The following ULBP3 variants were observed in gnomAD, a reference collection of about 807,000 sequenced individuals.
ULBP3 encodes the protein UL16 binding protein 3, also known as UL16-binding protein 3.
A neutral mutation model predicts 24.9 loss-of-function variants in ULBP3; 25 were observed. The ratio of observed to expected loss-of-function variants is 1.00; its 90% CI spans 0.73 to 1.40. The LOEUF (loss-of-function observed/expected upper bound fraction) is 1.40, where lower values mean the gene tolerates loss of function less well. Ranked by LOEUF, ULBP3 falls within the 40% of genes most tolerant of loss-of-function variation. ULBP3 has a pLI of 0.00. For missense variants in ULBP3, 306 were observed against 307.5 expected (o/e 1.00, Z 0.04); for synonymous variants, 114 against 114.7 (o/e 0.99, Z 0.04).
At chr6:150,065,085 C>G (rs66480352) in intron 3 of ULBP3, among the ~76,000 whole-genome samples, 22,682 of 152,042 alleles carry the variant, frequency 0.15, 1,992 homozygotes, top group African/African-American at 0.23. Flanking sequence ...GGAGGGAAAT[C>G]TAAGGAGAAA....
intron 1 of ULBP3, 22 bp downstream of exon 1, chr6:150,068,957 T>C (rs1301995754): frequency 6.3e-7 from 1 of 1,586,316 alleles, no homozygotes; most frequent in South Asian, 1.1e-5. Context: ...CCGCCCCGCT[T>C]AGGCTCCATC....
rs376152695 is a variant in ULBP3 at position 150,061,275 on chromosome 6, C to A, written c.*2099G>T. Among the ~76,000 whole-genome samples, 2 of 152,204 alleles carry A rather than the reference C, an allele frequency of 1.3e-5. No individual in the cohort carries two copies. The highest frequency in any genetic ancestry group is 1.9e-4 in the East Asian group (1 of 5,176). On this transcript the variant is annotated 3_prime_UTR_variant, in exon 5 of 5. Transcript: ENST00000367339. ...TTTACTTACGAATCTTTAATTTTAACCTTTATTATAGATTAAAGGGTACAC... is the reference window on the plus strand; with the variant it reads ...TTTACTTACGAATCTTTAATTTTAAACTTTATTATAGATTAAAGGGTACAC...
chr6:150,069,016 C>A lies in ULBP3; in HGVS notation c.51G>T (p.Pro17=), dbSNP rs763048015. ...PAILPRLAIL[P]YLLFDWSGTG... ...TCCCGGACCAGTCGAATAGCAGGTACGGAAGAATCGCGAGGCGCGGAAGGA... is the reference window on the plus strand; with the variant it reads ...TCCCGGACCAGTCGAATAGCAGGTAAGGAAGAATCGCGAGGCGCGGAAGGA... Residue 17 remains proline, a synonymous_variant, in exon 1 of 5, where the codon CCG becomes CCT. Coordinates refer to ENST00000367339, the MANE Select transcript of ULBP3 (RefSeq NM_024518.3). 3 of 1,612,380 alleles carry A rather than the reference C, an allele frequency of 1.9e-6. No individual in the cohort carries two copies. Among genetic ancestry groups the A allele is most frequent in the Non-Finnish European group, 2.5e-6 (3 of 1,179,336 alleles).
rs775283081 is a variant in ULBP3 at position 150,065,371 on chromosome 6, T to C, written c.628+27A>G. 14 of 1,611,296 alleles carry C rather than the reference T, an allele frequency of 8.7e-6. No homozygotes were observed. The Admixed American group carries it at 2.2e-4, about 25-fold the overall frequency. ...GTGTAACTCGATGGCATCTCCAACA[T>C]GCTCCCAGTGCTCCCCTGTCAGTTA... On this transcript the variant is annotated intron_variant, in intron 3 of 4. Coordinates refer to ENST00000367339, the MANE Select transcript of ULBP3 (RefSeq NM_024518.3).
At chr6:150,064,751 G>C in intron 3 of ULBP3, 38 bp from the exon 4 acceptor site, 1 of 1,599,484 alleles carries the variant, frequency 6.3e-7, no homozygotes, top group Non-Finnish European at 8.6e-7. Flanking sequence ...TCTTGTCCAC[G>C]CTCCAAATCT....
intron 1 of ULBP3, 117 bp from the exon 2 acceptor site, chr6:150,066,279 C>T (rs1350308301): frequency 2.5e-6 from 3 of 1,214,982 alleles, no homozygotes; most frequent in African/African-American, 3.1e-5. Flanking sequence ...ATTTCTCTTC[C>T]TGGACGGTGG....
chr6:150,067,421 G>T lies in ULBP3; in HGVS notation c.89-1259C>A, dbSNP rs145336283. Among the ~76,000 whole-genome samples the T allele has an allele frequency of 3.2e-4, 48 of 152,274 alleles. No homozygotes were observed. In the East Asian group the frequency reaches 7.5e-3, roughly 24 times the overall value. ...TCCTAGTGGACACAGTGTGTGATCCGAGCTCTTCCCAGGGATGTGAAGCAT... is the reference window on the plus strand; with the variant it reads ...TCCTAGTGGACACAGTGTGTGATCCTAGCTCTTCCCAGGGATGTGAAGCAT... On this transcript the variant is annotated intron_variant, in intron 1 of 4. Coordinates refer to ENST00000367339, the MANE Select transcript of ULBP3 (RefSeq NM_024518.3).
chr6:150,065,767 G>C, intron 2 of ULBP3, 94 bp from the exon 3 acceptor site: 1 of 1,581,630 alleles, frequency 6.3e-7, no homozygotes, highest in Non-Finnish European at 8.6e-7. Context: ...ATCTGGTCCT[G>C]TTGTCTCCTC....
intron 1 of ULBP3, among the ~76,000 whole-genome samples, chr6:150,068,227 A>T (rs543864063): frequency 1.4e-4 from 21 of 152,272 alleles, no homozygotes; most frequent in African/African-American, 4.6e-4. Flanking sequence ...TCAGCAACAA[A>T]GGAGGGGAGC....
intron 1 of ULBP3, 88 bp from the exon 2 acceptor site, chr6:150,066,250 C>T (rs1197385405): frequency 2.1e-6 from 3 of 1,440,604 alleles, no homozygotes; most frequent in Non-Finnish European, 2.8e-6. Flanking sequence ...TCCTGAAGGG[C>T]TGGGCTGGCA....
chr6:150,067,670 C>G (rs1776367114), intron 1 of ULBP3, among the ~76,000 whole-genome samples: 1 of 152,194 alleles, frequency 6.6e-6, no homozygotes, highest in East Asian at 1.9e-4. Context: ...CTCAACTCTG[C>G]TCTTATAGCT....
rs940680088 is a variant in ULBP3, at chr6:150,064,458, A to T, written c.*22+127T>A. On this transcript the variant is annotated intron_variant, in intron 4 of 4. Transcript: ENST00000367339. ...AAACAGGCGACACCAGGTCTCATTC[A>T]CCTGTCTCATGTCAGAACGAGAAGG... 35 of 822,028 alleles carry T rather than the reference A, an allele frequency of 4.3e-5. No homozygotes were observed. The African/African-American group carries it at 5.6e-4, about 13-fold the overall frequency. The allele number at this position is 822,028 out of a possible 1,614,324, so 50.9% of individuals were successfully genotyped here. A position where few individuals can be genotyped will look rare whatever the true frequency, so the allele number is the denominator to read the frequency against.
Position 150,064,601 on chromosome 6 carries a change from C to G in ULBP3, c.*6G>C. 6.2e-7 allele frequency: 1 copy of G among 1,613,886 alleles called. No homozygotes were observed. The highest frequency in any genetic ancestry group is 1.1e-5 in the South Asian group (1 of 91,076). On this transcript the variant is annotated 3_prime_UTR_variant, in exon 4 of 5. Coordinates refer to ENST00000367339, the MANE Select transcript of ULBP3 (RefSeq NM_024518.3). The stretch of plus-strand genomic sequence containing the variant: ...CCACAGTACCTGTCACTCTAAATGA[C>G]TCTTCTCAGATGCCAGGGAGGATGA...
rs1163445681 is a variant in ULBP3 at position 150,066,059 on chromosome 6, G to A, written c.192C>T (p.Ser64=). ...AGACCTTGTCACTGCCACAGTCATA[G>A]GAGAGAAAATTCTTCTGATCCACCT... is the stretch of plus-strand genomic sequence containing the variant. ...QSQVDQKNFL[S]YDCGSDKVLS... Residue 64 remains serine, a synonymous_variant, in exon 2 of 5, where the codon TCC becomes TCT. Coordinates refer to ENST00000367339, the MANE Select transcript of ULBP3 (RefSeq NM_024518.3). The A allele has an allele frequency of 6.2e-7, 1 of 1,614,210 alleles. No individual in the cohort carries two copies. The highest frequency in any genetic ancestry group is 1.1e-5 in the South Asian group (1 of 91,086).
At position 150,061,188 on chromosome 6, in the gene ULBP3, T is replaced by C. The variant is rs1328671212; in HGVS notation, c.*2186A>G. 1.3e-5 allele frequency among the ~76,000 whole-genome samples: 2 copies of C among 152,222 alleles called. No individual in the cohort carries two copies. The highest frequency in any genetic ancestry group is 2.9e-5 in the Non-Finnish European group (2 of 68,034). ...TTTTGATCTGGGTTAGCGTTCATAG[T>C]GCAAAGTTCTCTCGTTCCACTCAGT... On this transcript the variant is annotated 3_prime_UTR_variant, in exon 5 of 5. Transcript: ENST00000367339.
rs892424181 is a variant in ULBP3, at chr6:150,065,485, T to C, written c.541A>G (p.Thr181Ala). The change falls in exon 3 of 5, where the codon ACC (threonine) becomes GCC (alanine). Residue 181 changes from threonine (T) to alanine (A), a missense_variant. Physicochemically the swap from Thr to Ala is moderately conservative, Grantham distance 58. Transcript: ENST00000367339. ...EKWEKDSGLT[T>A]FFKMVSMRDC... The stretch of plus-strand genomic sequence containing the variant: ...CTCATTGAGACCATCTTGAAGAAGG[T>C]GGTCAGTCCGCTATCCTTCTCCCAC... The C allele has an allele frequency of 6.2e-7, 1 of 1,614,160 alleles. No individual in the cohort carries two copies. The highest frequency in any genetic ancestry group is 8.5e-7 in the Non-Finnish European group (1 of 1,180,012).
At chr6:150,064,036 T>C (rs988539165) in intron 4 of ULBP3, among the ~76,000 whole-genome samples, 1 of 152,198 alleles carries the variant, frequency 6.6e-6, no homozygotes, top group African/African-American at 2.4e-5. Context: ...ACTCTTCACC[T>C]TCCACCTTAA....
chr6:150,064,789 C>T (rs1442547782), intron 3 of ULBP3, 76 bp from the exon 4 acceptor site: 3 of 1,473,146 alleles, frequency 2.0e-6, no homozygotes, highest in East Asian at 4.6e-5. Context: ...GCTCCTGCTA[C>T]CCCAGGTCAT....
rs1776387880 is a variant in ULBP3 at position 150,068,909 on chromosome 6, G to A, written c.88+70C>T. 2.0e-6 allele frequency: 3 copies of A among 1,464,452 alleles called. No homozygotes were observed. In the East Asian group the frequency reaches 7.4e-5, roughly 36 times the overall value. 90.7% of individuals were successfully genotyped at this position (1,464,452 alleles called of 1,614,324 possible). On this transcript the variant is annotated intron_variant, in intron 1 of 4. Transcript: ENST00000367339. The stretch of plus-strand genomic sequence containing the variant: ...TCCTTCTAGAAGGCTTCCCTCCTCT[G>A]AAACCCGCTGCAGTCCACAGCCCCC...
Sources: allele counts gnomAD v4.1 joint callset (sites outside exome capture counted in the v4.1 genomes callset), GRCh38; gene constraint gnomAD v4.1.1; transcripts MANE v1.5; gene names NCBI Gene and HGNC (gene_info 2026-07-23, HGNC 2026-07-21).